Variants in CHD8 observed in about 807,000 individuals in gnomAD.
The protein encoded by CHD8 is chromodomain helicase DNA binding protein 8.
CHD8 carries 31 observed loss-of-function variants against 279.2 expected under a neutral mutation model. The ratio of observed to expected loss-of-function variants is 0.11; its 90% confidence interval spans 0.08 to 0.15. The LOEUF (loss-of-function observed/expected upper bound fraction) is 0.15, where lower values mean the gene tolerates loss of function less well. CHD8 is among the 10% of genes least tolerant of loss of function. CHD8 has a pLI of 1.00. For missense variants in CHD8, 2,146 were observed against 3,230.5 expected, an observed-to-expected ratio of 0.66 and a Z score of 8.14; for synonymous variants, 1,081 against 1,139.6, an observed-to-expected ratio of 0.95 and a Z score of 1.04.
intron 37 of CHD8, among the ~76,000 whole-genome samples, chr14:21,387,846 A>C (rs1887338267): frequency 6.7e-6 from 1 of 150,338 alleles, no homozygotes; most frequent in Non-Finnish European, 1.5e-5. Context: ...TGTACTAGTC[A>C]TATTAGGATT....
At chr14:21,401,892 C>T (rs747513094) in intron 20 of CHD8, 65 bp downstream of exon 20, 1 of 1,450,474 alleles carries the variant, frequency 6.9e-7, no homozygotes, top group African/African-American at 1.4e-5. Context: ...AGCATAAAAA[C>T]ATAATTAAAT....
intron 5 of CHD8, among the ~76,000 whole-genome samples, chr14:21,422,116 G>GA (rs1889072482): frequency 1.3e-5 from 2 of 152,204 alleles, no homozygotes; most frequent in Non-Finnish European, 2.9e-5. Flanking sequence ...CAAGGCAGGT[G>GA]AATCACCTGA....
chr14:21,391,583 G>T lies in CHD8; in HGVS notation c.6945C>A (p.Ile2315=), dbSNP rs764017735. Residue 2315 remains isoleucine, a synonymous_variant, in exon 36 of 38, where the codon ATC becomes ATA. Transcript: ENST00000646647. The stretch of plus-strand genomic sequence containing the variant: ...TACCATCCACCTTATTGATGACAGG[G>T]ATCCGGGTCTCCAGGTCCACATCAA... ...NHLDVDLETR[I]PVINKVDGTL... 3.1e-6 allele frequency: 5 copies of T among 1,612,182 alleles called. No individual in the cohort carries two copies. The Admixed American group carries it at 6.7e-5, about 22-fold the overall frequency.
intron 10 of CHD8, among the ~76,000 whole-genome samples, chr14:21,410,670 T>G (rs913457762): frequency 6.6e-6 from 1 of 152,260 alleles, no homozygotes; most frequent in African/African-American, 2.4e-5. Flanking sequence ...AGATGATCAC[T>G]GCACTTACTG....
chr14:21,439,717 T>G (rs1264121181), intron 1 of CHD8, among the ~76,000 whole-genome samples: 1 of 152,164 alleles, frequency 6.6e-6, no homozygotes, highest in African/African-American at 2.4e-5. Context: ...GCTGGAAAAT[T>G]TTCAAAGGCT....
chr14:21,444,642 T>C (rs1012644335), intron 1 of CHD8, among the ~76,000 whole-genome samples: 6 of 152,116 alleles, frequency 3.9e-5, no homozygotes, highest in Non-Finnish European at 5.9e-5. Context: ...ATATTTTTTT[T>C]CCCATGGCTT....
At chr14:21,436,944 A>G (rs577796286) in intron 1 of CHD8, 118 of 1,288,248 alleles carry the variant, frequency 9.2e-5, no homozygotes, top group Middle Eastern at 8.5e-4. Flanking sequence ...TCCATACAGC[A>G]GAGGCGGAAG....
At position 21,386,072 on chromosome 14, in the gene CHD8, C is replaced by T. The variant is rs769253036; in HGVS notation, c.7287G>A (p.Met2429Ile). ...TGCTTCCACCCTGCATGAGGGCCAT[C>T]ATCTTAGAAAGGTCTGGTCGCATCC... ...ARRMRPDLSKMMALMQGGSTG... is the reference protein window; with the variant it reads ...ARRMRPDLSKIMALMQGGSTG... Residue 2429 changes from methionine (M) to isoleucine (I), a missense_variant, in exon 38 of 38, where the codon ATG becomes ATA. This residue lies in a region of CHD8 where 336 missense variants were observed against 392.9 expected (regional missense o/e 0.86). Transcript: ENST00000646647. The T allele has an allele frequency of 1.1e-5, 17 of 1,583,630 alleles. No individual in the cohort carries two copies. Among genetic ancestry groups the T allele is most frequent in the Middle Eastern group, 1.7e-4 (1 of 6,052 alleles).
In CHD8 at chr14:21,440,945, T is replaced by C. The variant is rs1404735180; in HGVS notation, c.-215-9087A>G. On this transcript the variant is annotated intron_variant, in intron 1 of 37. Coordinates refer to ENST00000646647, the MANE Select transcript of CHD8 (RefSeq NM_001170629.2). ...TGAACATTTGCTAGTTTTTTTCTGC[T>C]CAGCAACCAAAAGGCCCCTTCCTAT... 2.0e-5 allele frequency among the ~76,000 whole-genome samples: 3 copies of C among 152,230 alleles called. No individual in the cohort carries two copies. The East Asian group carries it at 5.8e-4, about 29-fold the overall frequency.
In CHD8 at chr14:21,414,425, G is replaced by C. The variant is rs1208618730; in HGVS notation, c.2025-7C>G. 1 of 1,428,726 alleles carries C rather than the reference G, an allele frequency of 7.0e-7. No individual in the cohort carries two copies. Among genetic ancestry groups the C allele is most frequent in the African/African-American group, 1.4e-5 (1 of 70,928 alleles). The allele number at this position is 1,428,726 out of a possible 1,614,324, so 88.5% of individuals were successfully genotyped here. On this transcript the variant is annotated splice_region_variant and splice_polypyrimidine_tract_variant and intron_variant, in intron 8 of 37. Coordinates refer to ENST00000646647, the MANE Select transcript of CHD8 (RefSeq NM_001170629.2). Reference sequence around the variant, plus strand: ...TTCACAATGCAGATAGGAGCTAAGGGGGATGGAAAAATCCAGTCATGGTGC... The same window carrying C: ...TTCACAATGCAGATAGGAGCTAAGGCGGATGGAAAAATCCAGTCATGGTGC...
intron 1 of CHD8, among the ~76,000 whole-genome samples, chr14:21,451,970 G>A (rs1890267120): frequency 6.6e-6 from 1 of 152,106 alleles, no homozygotes; most frequent in Admixed American, 6.6e-5. Context: ...TTCATTTAAA[G>A]TTTACTCACC....
chr14:21,391,685 TGGGGGA>T (rs1171650179), intron 35 of CHD8, 43 bp from the exon 36 acceptor site: 1 of 524,950 alleles, frequency 1.9e-6, no homozygotes, highest in Non-Finnish European at 3.6e-6. Flanking sequence ...TACTCTTCTT[TGGGGGA>T]GGGAGGGAGG....
chr14:21,410,131 C>G, intron 10 of CHD8, 143 bp from the exon 11 acceptor site: 1 of 660,366 alleles, frequency 1.5e-6, no homozygotes, highest in Non-Finnish European at 2.4e-6. Flanking sequence ...ACACATCGAC[C>G]AAAAGTTCAC....
chr14:21,402,593 A>T lies in CHD8; in HGVS notation c.3715-90T>A. On this transcript the variant is annotated intron_variant, in intron 18 of 37. Transcript: ENST00000646647. This position sits in a 1 kb window ranked among gnomAD's most constrained non-coding sequence, Gnocchi z 4.5. ...CAAAATACCAATTTATGATTCTTTC[A>T]CCTCTATAGAGCAGCCATGAGATCA... 8.1e-7 allele frequency: 1 copy of T among 1,235,752 alleles called. No homozygotes were observed. The highest frequency in any genetic ancestry group is 1.1e-6 in the Non-Finnish European group (1 of 904,000). The allele number at this position is 1,235,752 out of a possible 1,614,324, so 76.5% of individuals were successfully genotyped here.
Position 21,395,106 on chromosome 14 carries a change from T to C in CHD8, c.5196A>G (p.Gln1732=). 1.2e-6 allele frequency: 2 copies of C among 1,613,718 alleles called. No individual in the cohort carries two copies. The highest frequency in any genetic ancestry group is 1.7e-6 in the Non-Finnish European group (2 of 1,179,762). ...VIDGDEAQVT[Q]QPGHLFWPPG... ...GAGGCCAGAATAAATGGCCTGGCTG[T>C]TGGGTCACCTGGGCTGTGGAAAACA... is the stretch of plus-strand genomic sequence containing the variant. The change falls in exon 30 of 38, where the codon CAA becomes CAG. Residue 1732 remains glutamine (Q), a synonymous_variant. Coordinates refer to ENST00000646647, the MANE Select transcript of CHD8 (RefSeq NM_001170629.2).
Position 21,385,321 on chromosome 14 carries a change from T to C in CHD8, c.*292A>G. The C allele has an allele frequency of 2.3e-6, 1 of 429,432 alleles. No individual in the cohort carries two copies. The highest frequency in any genetic ancestry group is 4.1e-5 in the East Asian group (1 of 24,548). The allele number at this position is 429,432 out of a possible 1,614,324, so 26.6% of individuals were successfully genotyped here. A position where few individuals can be genotyped will look rare whatever the true frequency, so the allele number is the denominator to read the frequency against. ...AGAGGCTAGGGCCAGCGCTACATAG[T>C]CTGTGGTTAATGGAGGTGACTAGGG... On this transcript the variant is annotated 3_prime_UTR_variant, in exon 38 of 38. Coordinates refer to ENST00000646647, the MANE Select transcript of CHD8 (RefSeq NM_001170629.2).
rs770032194 is a variant in CHD8, at chr14:21,428,083, G to C, written c.1387C>G (p.Arg463Gly). 1 of 1,613,990 alleles carries C rather than the reference G, an allele frequency of 6.2e-7. No individual in the cohort carries two copies. The highest frequency in any genetic ancestry group is 8.5e-7 in the Non-Finnish European group (1 of 1,179,898). Residue 463 changes from arginine (R) to glycine (G), a missense_variant, in exon 4 of 38, where the codon CGG becomes GGG. By Grantham distance (125) the Arg-to-Gly change is moderately radical. Coordinates refer to ENST00000646647, the MANE Select transcript of CHD8 (RefSeq NM_001170629.2). ...CTCGCAATGGCCTCTGCTACAATCC[G>C]ATTTGCTTTCTCTTGCTTCTTCTGG... ...EHQKKQEKAN[R>G]IVAEAIARAR...
intron 4 of CHD8, 169 bp from the exon 5 acceptor site, chr14:21,426,411 A>G (rs181286354): frequency 3.5e-6 from 2 of 577,796 alleles, no homozygotes; most frequent in Non-Finnish European, 3.0e-6. Context: ...AAAAGAAGAT[A>G]TTAGGGTTTG....
At position 21,400,629 on chromosome 14, in the gene CHD8, T is replaced by C; in HGVS notation, c.4371-17A>G. On this transcript the variant is annotated splice_polypyrimidine_tract_variant and intron_variant, in intron 22 of 37. Coordinates refer to ENST00000646647, the MANE Select transcript of CHD8 (RefSeq NM_001170629.2). This position sits in a 1 kb window ranked among gnomAD's most constrained non-coding sequence, Gnocchi z 4.2. ...CGTCCCCAACTAAAAAACAGAAAAC[T>C]ATATTAACATTTTTCTGAGAAATGA... 6.5e-7 allele frequency: 1 copy of C among 1,549,910 alleles called. No individual in the cohort carries two copies. The highest frequency in any genetic ancestry group is 8.7e-7 in the Non-Finnish European group (1 of 1,155,068).
Sources: gnomAD v4.1 joint callset for allele counts (sites outside exome capture counted in the v4.1 genomes callset) on GRCh38, gnomAD v4.1.1 for gene constraint, gnomAD v4.1.1 regional missense constraint, Gnocchi (gnomAD v3.1) non-coding constraint, MANE v1.5 for transcripts, NCBI Gene and HGNC (gene_info 2026-07-23, HGNC 2026-07-21) for gene names.